APLF: variants seen among roughly 807,000 people sequenced by gnomAD.
The protein encoded by APLF is aprataxin and PNKP like factor, also known as aprataxin and PNK-like factor.
In APLF, 61 loss-of-function variants were observed where a neutral mutation model predicts 55.6. That is an observed-to-expected ratio of 1.10 (90% CI 0.89 to 1.36). The LOEUF (loss-of-function observed/expected upper bound fraction) is 1.36, where lower values mean the gene tolerates loss of function less well. APLF is among the 40% of genes most tolerant of loss of function. APLF has a pLI of 0.00. For missense variants in APLF, 611 were observed against 602.5 expected, an observed-to-expected ratio of 1.01 and a Z score of -0.15; for synonymous variants, 207 against 214.8, an observed-to-expected ratio of 0.96 and a Z score of 0.32.
At chr2:68,568,425 CT>C (rs1671366030) in intron 9 of APLF, 2 of 508,196 alleles carry the variant, frequency 3.9e-6, no homozygotes, top group Middle Eastern at 1.0e-3. Context: ...CACTTTAGTG[CT>C]TTAGTACTCC....
chr2:68,530,072 A>G (rs1461500948), intron 6 of APLF, among the ~76,000 whole-genome samples: 3 of 152,052 alleles, frequency 2.0e-5, no homozygotes, highest in South Asian at 2.1e-4. Context: ...CTCTTACCAC[A>G]TGCCTCCCTG....
chr2:68,540,565 A>G (rs1451732852), intron 7 of APLF, among the ~76,000 whole-genome samples: 3 of 152,180 alleles, frequency 2.0e-5, no homozygotes, highest in African/African-American at 7.2e-5. Context: ...TTCTGGTTCT[A>G]GGTCCTTGTG....
intron 2 of APLF, among the ~76,000 whole-genome samples, chr2:68,491,774 C>A (rs1211762910): frequency 1.3e-5 from 2 of 152,164 alleles, no homozygotes; most frequent in Non-Finnish European, 2.9e-5. Context: ...CCCTGTCCCA[C>A]CTCTCACACT....
chr2:68,490,297 T>G, intron 2 of APLF, 36 bp downstream of exon 2: 1 of 1,571,414 alleles, frequency 6.4e-7, no homozygotes, highest in Non-Finnish European at 8.7e-7. Context: ...TTAACTTTCA[T>G]CTCTTACCCT....
At chr2:68,516,278 G>C (rs1218196171) in intron 5 of APLF, among the ~76,000 whole-genome samples, 1 of 151,500 alleles carries the variant, frequency 6.6e-6, no homozygotes, top group Non-Finnish European at 1.5e-5. Flanking sequence ...TTATATGTTT[G>C]GTTTTTGTTT....
chr2:68,526,481 T>C (rs1573221271), intron 6 of APLF, among the ~76,000 whole-genome samples: 1 of 152,204 alleles, frequency 6.6e-6, no homozygotes, highest in Admixed American at 6.5e-5. Flanking sequence ...TGGGTTCTGG[T>C]GGAGATGGTA....
intron 2 of APLF, among the ~76,000 whole-genome samples, chr2:68,500,627 C>T (rs1261544114): frequency 6.6e-6 from 1 of 152,176 alleles, no homozygotes; most frequent in African/African-American, 2.4e-5. Flanking sequence ...ATGAGAAGAA[C>T]ATGGTCTTAG....
At chr2:68,544,717 T>TA (rs1345267971) in intron 7 of APLF, among the ~76,000 whole-genome samples, 2 of 152,120 alleles carry the variant, frequency 1.3e-5, no homozygotes, top group African/African-American at 4.8e-5. Flanking sequence ...GAAGTTAGGA[T>TA]AGTTACCTTT....
At chr2:68,567,238 C>T in intron 8 of APLF, 103 bp from the exon 9 acceptor site, 1 of 976,832 alleles carries the variant, frequency 1.0e-6, no homozygotes. Context: ...CCTATTGGGT[C>T]CTAAGTTTAT....
At chr2:68,472,326 C>G (rs1458393365) in intron 1 of APLF, among the ~76,000 whole-genome samples, 1 of 152,088 alleles carries the variant, frequency 6.6e-6, no homozygotes, top group Non-Finnish European at 1.5e-5. Context: ...CTTTGCAGGA[C>G]AGTTCCAAGG....
At chr2:68,475,122 C>T (rs991837818) in intron 1 of APLF, among the ~76,000 whole-genome samples, 1 of 152,190 alleles carries the variant, frequency 6.6e-6, no homozygotes, top group African/African-American at 2.4e-5. Flanking sequence ...ACTACTTAGA[C>T]ACATTAATTT....
chr2:68,475,575 TTGAAG>T (rs1478713982), intron 1 of APLF, among the ~76,000 whole-genome samples: 2 of 152,206 alleles, frequency 1.3e-5, no homozygotes, highest in African/African-American at 4.8e-5. Flanking sequence ...GATTTCTGAA[TTGAAG>T]TGTTTATGGG....
rs367871793 is a variant in APLF at position 68,545,125 on chromosome 2, T to G, written c.1161-62T>G. The stretch of plus-strand genomic sequence containing the variant: ...GTGGATTGTCTGGTTTCCTGCTATA[T>G]CCACTAAAAATCTAGAATATCCTAT... On this transcript the variant is annotated intron_variant, in intron 7 of 9. Coordinates refer to ENST00000303795, the MANE Select transcript of APLF (RefSeq NM_173545.3). The G allele has an allele frequency of 3.9e-5, 62 of 1,581,874 alleles. No individual in the cohort carries two copies. Among genetic ancestry groups the G allele is most frequent in the East Asian group, 2.9e-4 (13 of 44,566 alleles).
chr2:68,529,237 C>T lies in APLF; in HGVS notation c.804+2995C>T. ...TGTTCCAAGGGATAAGACACAGCCT[C>T]ATAAGGGTGCCGTCCCACCTGCCTG... On this transcript the variant is annotated intron_variant, in intron 6 of 9. Coordinates refer to ENST00000303795, the MANE Select transcript of APLF (RefSeq NM_173545.3). This position sits in a 1 kb window ranked among gnomAD's most constrained non-coding sequence, Gnocchi z 4.4. 8.0e-7 allele frequency: 1 copy of T among 1,255,376 alleles called. No homozygotes were observed. The highest frequency in any genetic ancestry group is 2.9e-5 in the Admixed American group (1 of 34,682). 77.8% of individuals were successfully genotyped at this position (1,255,376 alleles called of 1,614,324 possible). A position where few individuals can be genotyped will look rare whatever the true frequency, so the allele number is the denominator to read the frequency against.
At chr2:68,515,973 A>G (rs1011189456) in intron 5 of APLF, among the ~76,000 whole-genome samples, 1 of 151,762 alleles carries the variant, frequency 6.6e-6, no homozygotes, top group Non-Finnish European at 1.5e-5. Context: ...GATTTTTAAA[A>G]ATTAATTCGC....
intron 2 of APLF, among the ~76,000 whole-genome samples, chr2:68,494,994 A>C (rs1025689148): frequency 6.6e-6 from 1 of 152,198 alleles, no homozygotes; most frequent in African/African-American, 2.4e-5. Flanking sequence ...TATTTGGAAG[A>C]TAGCACCAAG....
At chr2:68,470,389 C>G (rs1257492226) in intron 1 of APLF, among the ~76,000 whole-genome samples, 4 of 152,104 alleles carry the variant, frequency 2.6e-5, no homozygotes, top group Non-Finnish European at 5.9e-5. Context: ...TAGAAATGTG[C>G]TTTGTCTGGA....
At chr2:68,539,308 A>G (rs1670485532) in intron 7 of APLF, among the ~76,000 whole-genome samples, 1 of 152,164 alleles carries the variant, frequency 6.6e-6, no homozygotes, top group Non-Finnish European at 1.5e-5. Context: ...AAAAAACAGA[A>G]ATGTATTTTC....
chr2:68,495,029 A>G (rs1170753934), intron 2 of APLF, among the ~76,000 whole-genome samples: 1 of 152,168 alleles, frequency 6.6e-6, no homozygotes, highest in East Asian at 1.9e-4. Flanking sequence ...CACCCCCATG[A>G]TTAAAATACT....
Sources: gnomAD v4.1 joint callset for allele counts (sites outside exome capture counted in the v4.1 genomes callset) on GRCh38, gnomAD v4.1.1 for gene constraint, Gnocchi (gnomAD v3.1) non-coding constraint, MANE v1.5 for transcripts, NCBI Gene and HGNC (gene_info 2026-07-23, HGNC 2026-07-21) for gene names.